Variants in DGKG observed in about 807,000 individuals in gnomAD.
DGKG encodes diacylglycerol kinase gamma.
DGKG carries 78 observed loss-of-function variants against 105.3 expected under a neutral mutation model. The observed-to-expected ratio is 0.74, with a 90% CI of 0.62 to 0.89. DGKG has a LOEUF of 0.89. DGKG is among the 40% of genes least tolerant of loss of function. The pLI, the probability that DGKG is intolerant of heterozygous loss-of-function variation, is 0.00. For missense variants in DGKG, 958 were observed against 1,020.1 expected (o/e 0.94, Z 0.83); for synonymous variants, 346 against 367.1 (o/e 0.94, Z 0.66).
intron 1 of DGKG, among the ~76,000 whole-genome samples, chr3:186,346,606 T>C (rs1560166204): frequency 6.6e-6 from 1 of 150,966 alleles, no homozygotes; most frequent in Admixed American, 6.6e-5. Flanking sequence ...TGTACACAGG[T>C]CTTAGACCTA....
intron 9 of DGKG, 126 bp from the exon 10 acceptor site, chr3:186,275,790 G>C (rs1440244384): frequency 1.1e-5 from 7 of 623,610 alleles, no homozygotes; most frequent in South Asian, 2.8e-5. Flanking sequence ...ATTTTTTACT[G>C]TTTTAAATAC....
rs1458565259 is a variant in DGKG, at chr3:186,352,076, G to GC, written c.-249+9869dup. Among the ~76,000 whole-genome samples, 3 of 152,132 alleles carry GC rather than the reference G, an allele frequency of 2.0e-5. No homozygotes were observed. The East Asian group carries it at 5.8e-4, about 29-fold the overall frequency. ...GACCCACAACTGGTGCTTTTTCAAGGCCCCTCCCCACTCCCCCCAGGCAAT... is the reference window on the plus strand; with the variant it reads ...GACCCACAACTGGTGCTTTTTCAAGGCCCCCTCCCCACTCCCCCCAGGCAAT... On this transcript the variant is annotated intron_variant, in intron 1 of 24. Coordinates refer to ENST00000265022, the MANE Select transcript of DGKG (RefSeq NM_001346.3).
At chr3:186,212,891 G>A (rs1719100704) in intron 20 of DGKG, among the ~76,000 whole-genome samples, 1 of 152,190 alleles carries the variant, frequency 6.6e-6, no homozygotes, top group African/African-American at 2.4e-5. Context: ...CACCTTGCAT[G>A]GCGCTAATCC....
intron 20 of DGKG, among the ~76,000 whole-genome samples, chr3:186,215,204 A>C (rs1222521849): frequency 6.6e-6 from 1 of 152,126 alleles, no homozygotes; most frequent in Non-Finnish European, 1.5e-5. Context: ...TGAGGTCAGG[A>C]GTTCGAGACC....
chr3:186,254,427 G>T (rs1193081845), intron 17 of DGKG, among the ~76,000 whole-genome samples: 6 of 152,136 alleles, frequency 3.9e-5, no homozygotes, highest in Admixed American at 3.9e-4. Flanking sequence ...CAGAACATGT[G>T]TTCAGAGCAC....
chr3:186,333,047 T>A (rs116309509), intron 1 of DGKG, among the ~76,000 whole-genome samples: 23 of 152,276 alleles, frequency 1.5e-4, no homozygotes, highest in African/African-American at 5.3e-4. Context: ...TCACCCTCCA[T>A]AACCGTAAGA....
chr3:186,188,275 CT>C lies in DGKG; in HGVS notation c.2021del (p.Lys674ArgfsTer6). ...YGGTNLWGENKKNRAVIRESR... is the reference protein window; with the variant it reads ...YGGTNLWGENXKNRAVIRESR... Reference sequence around the variant, plus strand: ...TTTCCCGGATCACAGCCCGGTTCTTCTTGTTTTCTCCCCAGAGATTGGTGCC... The same window carrying C: ...TTTCCCGGATCACAGCCCGGTTCTTCTGTTTTCTCCCCAGAGATTGGTGCC... On this transcript the variant is annotated frameshift_variant, in exon 22 of 25. Transcript: ENST00000265022. LOFTEE classifies it high-confidence loss of function. 6.2e-7 allele frequency: 1 copy of C among 1,614,170 alleles called. No homozygotes were observed. The highest frequency in any genetic ancestry group is 8.5e-7 in the Non-Finnish European group (1 of 1,180,030).
Position 186,149,984 on chromosome 3 carries a change from A to G in DGKG, c.*106T>C, listed in dbSNP as rs1578590372. 6.4e-6 allele frequency: 9 copies of G among 1,402,762 alleles called. No homozygotes were observed. The highest frequency in any genetic ancestry group is 6.1e-5 in the South Asian group (4 of 65,614). The allele number at this position is 1,402,762 out of a possible 1,614,324, so 86.9% of individuals were successfully genotyped here. ...TTCCACTGGTTAGAGAAGAGTGTGT[A>G]TGTGTGTGTGTGTGTGCATGTGTGA... On this transcript the variant is annotated 3_prime_UTR_variant, in exon 25 of 25. Coordinates refer to ENST00000265022, the MANE Select transcript of DGKG (RefSeq NM_001346.3).
rs376799977 is a variant in DGKG, at chr3:186,338,427, T to G, written c.-248-17720A>C. 2.6e-5 allele frequency among the ~76,000 whole-genome samples: 4 copies of G among 152,282 alleles called. No homozygotes were observed. The East Asian group carries it at 7.7e-4, about 29-fold the overall frequency. ...CTATCTAAGCCCTAGTTTATTCATGTGAGTGATAATGGAATCTCCCTTGTG... is the reference window on the plus strand; with the variant it reads ...CTATCTAAGCCCTAGTTTATTCATGGGAGTGATAATGGAATCTCCCTTGTG... On this transcript the variant is annotated intron_variant, in intron 1 of 24. Coordinates refer to ENST00000265022, the MANE Select transcript of DGKG (RefSeq NM_001346.3).
intron 1 of DGKG, among the ~76,000 whole-genome samples, chr3:186,337,142 A>G (rs1725868045): frequency 6.6e-6 from 1 of 152,228 alleles, no homozygotes; most frequent in Non-Finnish European, 1.5e-5. Context: ...TGAGGCTAGC[A>G]TAACCCGGTA....
intron 3 of DGKG, among the ~76,000 whole-genome samples, chr3:186,304,850 A>G (rs1360174006): frequency 6.6e-6 from 1 of 152,226 alleles, no homozygotes; most frequent in Non-Finnish European, 1.5e-5. Flanking sequence ...GTCTAACTTA[A>G]GACCATGTAA....
chr3:186,175,238 T>TA (rs1456963553), intron 22 of DGKG, among the ~76,000 whole-genome samples: 1 of 152,066 alleles, frequency 6.6e-6, no homozygotes, highest in African/African-American at 2.4e-5. Flanking sequence ...GGCAGATGGG[T>TA]AGGAGACCTC....
chr3:186,321,626 G>C (rs189878874), intron 1 of DGKG, among the ~76,000 whole-genome samples: 1 of 152,322 alleles, frequency 6.6e-6, no homozygotes, highest in African/African-American at 2.4e-5. Context: ...GATCCATCCT[G>C]AGGGCCAACT....
intron 1 of DGKG, among the ~76,000 whole-genome samples, chr3:186,328,793 G>T (rs1725467785): frequency 6.6e-6 from 1 of 151,918 alleles, no homozygotes; most frequent in South Asian, 2.1e-4. Context: ...TGGCCAGGCT[G>T]GTCTCGAACT....
intron 21 of DGKG, among the ~76,000 whole-genome samples, chr3:186,195,095 ACT>A (rs1224150387): frequency 2.3e-5 from 3 of 130,610 alleles, no homozygotes; most frequent in Non-Finnish European, 3.5e-5. Flanking sequence ...ATAGAGCGAG[ACT>A]CTGTATAAAA....
intron 6 of DGKG, among the ~76,000 whole-genome samples, chr3:186,287,093 C>T (rs1723105870): frequency 6.7e-6 from 1 of 148,220 alleles, no homozygotes; most frequent in Admixed American, 6.7e-5. Flanking sequence ...GGAGAGGGAT[C>T]CAAAAGATTA....
intron 2 of DGKG, among the ~76,000 whole-genome samples, chr3:186,307,659 GTC>G (rs1724314474): frequency 6.6e-6 from 1 of 152,176 alleles, no homozygotes; most frequent in Admixed American, 6.5e-5. Flanking sequence ...GTGAGTCTTT[GTC>G]TATCATACTA....
At chr3:186,217,071 G>C (rs73180320) in intron 20 of DGKG, among the ~76,000 whole-genome samples, 19,745 of 152,226 alleles carry the variant, frequency 0.13, 1,422 homozygotes, top group Middle Eastern at 0.25. Flanking sequence ...CTCAGTAGCT[G>C]TTCTTCCTTG....
At position 186,149,692 on chromosome 3, in the gene DGKG, G is replaced by A; in HGVS notation, c.*398C>T. 9.9e-7 allele frequency: 1 copy of A among 1,005,438 alleles called. No homozygotes were observed. The highest frequency in any genetic ancestry group is 1.2e-6 in the Non-Finnish European group (1 of 841,820). 62.3% of individuals were successfully genotyped at this position (1,005,438 alleles called of 1,614,324 possible). A position where few individuals can be genotyped will look rare whatever the true frequency, so the allele number is the denominator to read the frequency against. On this transcript the variant is annotated 3_prime_UTR_variant, in exon 25 of 25. Coordinates refer to ENST00000265022, the MANE Select transcript of DGKG (RefSeq NM_001346.3). ...CTTGGCCACATCTGATCTCACCATA[G>A]GCAGGAAACCTGCAGCCTGCTCCTC...
Sources: gnomAD v4.1 joint callset for allele counts (sites outside exome capture counted in the v4.1 genomes callset) on GRCh38, gnomAD v4.1.1 for gene constraint, MANE v1.5 for transcripts, NCBI Gene and HGNC (gene_info 2026-07-23, HGNC 2026-07-21) for gene names.